Variants in NDUFV3 observed in about 807,000 individuals in gnomAD.
NDUFV3 encodes NADH dehydrogenase [ubiquinone] flavoprotein 3, mitochondrial.
A neutral mutation model predicts 37.5 loss-of-function variants in NDUFV3; 44 were observed. That is an observed-to-expected ratio of 1.17 (90% CI 0.92 to 1.51). The LOEUF is 1.51. NDUFV3 is among the 40% of genes most tolerant of loss of function. The pLI, the probability that NDUFV3 is intolerant of heterozygous loss-of-function variation, is 0.00. For missense variants in NDUFV3, 580 were observed against 580.4 expected (o/e 1.00, Z 0.01); for synonymous variants, 235 against 239.3 (o/e 0.98, Z 0.17).
intron 1 of NDUFV3, among the ~76,000 whole-genome samples, chr21:42,896,566 C>T (rs1248985382): frequency 6.6e-6 from 1 of 152,064 alleles, no homozygotes; most frequent in Admixed American, 6.6e-5. Flanking sequence ...GTGTAAGCCA[C>T]CGCACCTGGC....
chr21:42,897,108 C>G (rs2058695806), intron 2 of NDUFV3, 61 bp downstream of exon 2: 10 of 1,586,938 alleles, frequency 6.3e-6, no homozygotes, highest in Middle Eastern at 1.7e-4. Flanking sequence ...GATTAGTCAG[C>G]CTTCGAAGCA....
At chr21:42,893,515 C>T in intron 1 of NDUFV3, 134 bp downstream of exon 1, 1 of 1,033,590 alleles carries the variant, frequency 9.7e-7, no homozygotes, top group East Asian at 2.7e-5. Context: ...GCTGACCCCG[C>T]TCCCTGGGCC....
intron 2 of NDUFV3, among the ~76,000 whole-genome samples, chr21:42,902,156 G>T (rs6586262): frequency 3.9e-5 from 6 of 152,080 alleles, no homozygotes; most frequent in Admixed American, 3.9e-4. Flanking sequence ...TGCGGTGACT[G>T]GAGATCGTGC....
At chr21:42,908,258 A>T (rs1047813677) in intron 3 of NDUFV3, among the ~76,000 whole-genome samples, 1 of 152,038 alleles carries the variant, frequency 6.6e-6, no homozygotes, top group African/African-American at 2.4e-5. Context: ...CAGTGAGCTG[A>T]GATCGCACCG....
At chr21:42,899,096 G>T (rs1337985358) in intron 2 of NDUFV3, among the ~76,000 whole-genome samples, 1 of 152,162 alleles carries the variant, frequency 6.6e-6, no homozygotes, top group African/African-American at 2.4e-5. Flanking sequence ...GACGGGCCCT[G>T]CAGGCCTCTG....
Position 42,903,327 on chromosome 21 carries a change from G to C in NDUFV3, c.315G>C (p.Val105=). The C allele has an allele frequency of 6.2e-7, 1 of 1,614,192 alleles. No individual in the cohort carries two copies. Among genetic ancestry groups the C allele is most frequent in the South Asian group, 1.1e-5 (1 of 91,082 alleles). ...KVASPSPSGS[V]LFTDEGVPKF... ...CTAGTCCCAGTCCCAGTGGCAGCGT[G>C]CTATTCACAGATGAAGGGGTTCCGA... The change falls in exon 3 of 4, where the codon GTG becomes GTC. Residue 105 remains valine (V), a synonymous_variant. Coordinates refer to ENST00000354250, the MANE Select transcript of NDUFV3 (RefSeq NM_021075.4).
At chr21:42,900,369 G>A (rs2058713377) in intron 2 of NDUFV3, among the ~76,000 whole-genome samples, 1 of 151,626 alleles carries the variant, frequency 6.6e-6, no homozygotes, top group South Asian at 2.1e-4. Context: ...TGGGCATGGT[G>A]GCGGACGCCT....
intron 2 of NDUFV3, among the ~76,000 whole-genome samples, chr21:42,901,645 A>C (rs920148886): frequency 6.6e-6 from 1 of 152,082 alleles, no homozygotes; most frequent in Non-Finnish European, 1.5e-5. Flanking sequence ...TCAAATTATA[A>C]CAAGCAGTGC....
intron 3 of NDUFV3, among the ~76,000 whole-genome samples, chr21:42,905,817 G>A (rs1176054187): frequency 6.8e-6 from 1 of 148,056 alleles, no homozygotes; most frequent in Non-Finnish European, 1.5e-5. Context: ...TGCCTAGCGT[G>A]TGGAGGCTTT....
intron 3 of NDUFV3, among the ~76,000 whole-genome samples, chr21:42,906,152 C>T (rs1047948344): frequency 7.2e-5 from 11 of 152,244 alleles, no homozygotes; most frequent in African/African-American, 2.4e-4. Context: ...GCGTGAGCCA[C>T]TGCGCCCAGC....
intron 2 of NDUFV3, among the ~76,000 whole-genome samples, chr21:42,902,586 A>G (rs905117569): frequency 1.3e-5 from 2 of 152,208 alleles, no homozygotes; most frequent in Non-Finnish European, 2.9e-5. Context: ...TCCTGCTTTC[A>G]CTAATTACTA....
In NDUFV3 at chr21:42,893,361, G is replaced by A; in HGVS notation, c.28G>A (p.Gly10Arg). Residue 10 changes from glycine to arginine, a missense_variant, in exon 1 of 4, where the codon GGA (glycine) becomes AGA (arginine). Gly to Arg is a moderately radical substitution (Grantham distance 125). Coordinates refer to ENST00000354250, the MANE Select transcript of NDUFV3 (RefSeq NM_021075.4). MAAPCLLRQ[G>R]RAGALKTMLQ... is the part of the protein sequence containing the mutation. ...GGCTGCCCCGTGTTTGCTGCGGCAA[G>A]GACGAGCCGGGGCGCTGAAGGTAAA... The A allele has an allele frequency of 6.5e-7, 1 of 1,538,192 alleles. No homozygotes were observed. Among genetic ancestry groups the A allele is most frequent in the South Asian group, 1.2e-5 (1 of 83,976 alleles).
chr21:42,907,265 G>C (rs1166158324), intron 3 of NDUFV3, among the ~76,000 whole-genome samples: 1 of 152,070 alleles, frequency 6.6e-6, no homozygotes, highest in Admixed American at 6.6e-5. Context: ...GATTCAGAAG[G>C]CTCCTTTAGT....
At chr21:42,901,029 T>C (rs1371106105) in intron 2 of NDUFV3, among the ~76,000 whole-genome samples, 3 of 152,184 alleles carry the variant, frequency 2.0e-5, no homozygotes, top group African/African-American at 4.8e-5. Context: ...TTGAAGAGTA[T>C]GTCCAGAAGC....
chr21:42,903,205 G>A lies in NDUFV3; in HGVS notation c.193G>A (p.Gly65Ser). 2 of 1,614,078 alleles carry A rather than the reference G, an allele frequency of 1.2e-6. No homozygotes were observed. Among genetic ancestry groups the A allele is most frequent in the Non-Finnish European group, 1.7e-6 (2 of 1,180,026 alleles). The stretch of plus-strand genomic sequence containing the variant: ...AGATGTAGTGGAACCAAAGGAGAGG[G>A]GCAAGCTCCTAGCCACCCAGACAGC... Reference protein sequence around the residue: ...PKNVVEPKERGKLLATQTAAE... With the variant: ...PKNVVEPKERSKLLATQTAAE... The change falls in exon 3 of 4, where the codon GGC becomes AGC. Residue 65 changes from glycine (G) to serine (S), a missense_variant. Physicochemically the swap from Gly to Ser is moderately conservative, Grantham distance 56 (BLOSUM62 0). Transcript: ENST00000354250.
chr21:42,902,675 A>C (rs532691605), intron 2 of NDUFV3, among the ~76,000 whole-genome samples: 51 of 152,304 alleles, frequency 3.3e-4, no homozygotes, highest in Admixed American at 1.2e-3. Flanking sequence ...GAAAGTCCCC[A>C]TCTCAGGCTG....
At position 42,895,194 on chromosome 21, in the gene NDUFV3, CAAG is replaced by C. The variant is rs1398034898; in HGVS notation, c.49-1728_49-1726del. Among the ~76,000 whole-genome samples the C allele has an allele frequency of 5.3e-5, 8 of 151,960 alleles. No homozygotes were observed. The South Asian group carries it at 1.0e-3, about 20-fold the overall frequency. ...TGAAACCCCATCTCTACTAAAAATA[CAAG>C]AAGAGCCAAGCGCGGTAGCTCACAC... is the stretch of plus-strand genomic sequence containing the variant. On this transcript the variant is annotated intron_variant, in intron 1 of 3. Coordinates refer to ENST00000354250, the MANE Select transcript of NDUFV3 (RefSeq NM_021075.4).
chr21:42,904,623 C>T (rs1182157748), intron 3 of NDUFV3, among the ~76,000 whole-genome samples: 6 of 147,152 alleles, frequency 4.1e-5, no homozygotes, highest in Non-Finnish European at 8.9e-5. Flanking sequence ...GCTGAGATTA[C>T]AGGCGCAGGC....
At chr21:42,907,949 T>C (rs1478589202) in intron 3 of NDUFV3, among the ~76,000 whole-genome samples, 11 of 152,052 alleles carry the variant, frequency 7.2e-5, no homozygotes, top group Admixed American at 7.2e-4. Flanking sequence ...AAAGTCCTGC[T>C]ATAATTGTTC....
Sources: gnomAD v4.1 joint callset for allele counts (sites outside exome capture counted in the v4.1 genomes callset) on GRCh38, gnomAD v4.1.1 for gene constraint, MANE v1.5 for transcripts, NCBI Gene and HGNC (gene_info 2026-07-23, HGNC 2026-07-21) for gene names.